Variants in IL1RAPL1 observed in about 807,000 individuals in gnomAD.
IL1RAPL1 encodes the protein interleukin-1 receptor accessory protein-like 1.
A neutral mutation model predicts 48.4 loss-of-function variants in IL1RAPL1; 3 were observed. The observed-to-expected ratio is 0.06, with a 90% CI of 0.03 to 0.16. The LOEUF (loss-of-function observed/expected upper bound fraction) is 0.16, where lower values mean the gene tolerates loss of function less well. Ranked by LOEUF, IL1RAPL1 falls within the 10% of genes least tolerant of loss-of-function variation. The probability of loss-of-function intolerance (pLI) is 1.00; values close to 1 mark genes in which losing one functional copy is unlikely to be tolerated. For synonymous variants in IL1RAPL1, 185 were observed against 187.7 expected, an observed-to-expected ratio of 0.99 and a Z score of 0.12; for missense variants, 349 against 530.6, an observed-to-expected ratio of 0.66 and a Z score of 3.36.
At chrX:29,076,553 A>G (rs184859916) in intron 2 of IL1RAPL1, among the ~76,000 whole-genome samples, 80 of 111,748 alleles carry the variant, frequency 7.2e-4, no homozygotes, top group South Asian at 2.7e-3. Context: ...ATCCCTTCTG[A>G]AATCTTTATT....
intron 2 of IL1RAPL1, among the ~76,000 whole-genome samples, chrX:29,081,802 G>A (rs1009667940): frequency 3.7e-5 from 4 of 109,295 alleles, no homozygotes; most frequent in African/African-American, 6.7e-5. Context: ...CATCTGCCTG[G>A]AAATATTTTC....
intron 5 of IL1RAPL1, among the ~76,000 whole-genome samples, chrX:29,532,402 A>C (rs1921073029): frequency 8.9e-6 from 1 of 111,814 alleles, no homozygotes; most frequent in Non-Finnish European, 1.9e-5. Flanking sequence ...TCTGATTCTT[A>C]CTCTCATTAG....
chrX:28,803,586 A>G (rs1448641301), intron 2 of IL1RAPL1, among the ~76,000 whole-genome samples: 7 of 112,266 alleles, frequency 6.2e-5, no homozygotes, highest in Admixed American at 5.7e-4. Flanking sequence ...CGAAAGGCAT[A>G]TAATACACCC....
intron 7 of IL1RAPL1, among the ~76,000 whole-genome samples, chrX:29,919,506 G>A (rs1181241454): frequency 4.5e-5 from 5 of 112,343 alleles, no homozygotes; most frequent in Non-Finnish European, 7.5e-5. Flanking sequence ...ACAAAAGTCA[G>A]ACTGAACATT....
chrX:28,711,537 A>G (rs948389475), intron 1 of IL1RAPL1, among the ~76,000 whole-genome samples: 2 of 109,930 alleles, frequency 1.8e-5, no homozygotes, highest in African/African-American at 6.6e-5. Context: ...GGATGAGGTC[A>G]TTAAGGGATT....
At chrX:28,960,052 A>T (rs1398896782) in intron 2 of IL1RAPL1, among the ~76,000 whole-genome samples, 1 of 112,241 alleles carries the variant, frequency 8.9e-6, no homozygotes, top group South Asian at 3.7e-4. Context: ...TGCATATTGG[A>T]TAAAGTCACT....
chrX:28,805,760 G>T (rs1292160208), intron 2 of IL1RAPL1, among the ~76,000 whole-genome samples: 1 of 110,379 alleles, frequency 9.1e-6, no homozygotes, highest in East Asian at 2.8e-4. Flanking sequence ...ATATATGATC[G>T]CTGCATTTTA....
chrX:29,621,525 A>C (rs1167145946), intron 5 of IL1RAPL1, among the ~76,000 whole-genome samples: 1 of 111,156 alleles, frequency 9.0e-6, no homozygotes, highest in Non-Finnish European at 1.9e-5. Flanking sequence ...TTGAAAATTA[A>C]ATTAATTACC....
chrX:29,743,573 G>T (rs1192352605), intron 6 of IL1RAPL1, among the ~76,000 whole-genome samples: 2 of 111,545 alleles, frequency 1.8e-5, no homozygotes, highest in South Asian at 3.7e-4. Context: ...GCAACCTCCA[G>T]TTCTCTAGTT....
At chrX:29,343,653 A>T (rs932306074) in intron 3 of IL1RAPL1, among the ~76,000 whole-genome samples, 1 of 111,961 alleles carries the variant, frequency 8.9e-6, no homozygotes, top group Admixed American at 9.6e-5. Context: ...AAACAATATG[A>T]TCAATTTCAG....
At chrX:28,679,192 T>C (rs911571542) in intron 1 of IL1RAPL1, among the ~76,000 whole-genome samples, 13 of 112,332 alleles carry the variant, frequency 1.2e-4, no homozygotes, top group African/African-American at 4.2e-4. Context: ...TAATTAGCGA[T>C]GTTGAGCAAC....
rs1410055104 is a variant in IL1RAPL1, at chrX:29,524,883, C to T, written c.703+125575C>T. ...ACATTTTCTAAGATGACTATCATTG[C>T]CATTGTAGTCAGCTTTGTGTACCTT... On this transcript the variant is annotated intron_variant, in intron 5 of 10. Coordinates refer to ENST00000378993, the MANE Select transcript of IL1RAPL1 (RefSeq NM_014271.4). 1.3e-4 allele frequency among the ~76,000 whole-genome samples: 15 copies of T among 111,930 alleles called. No homozygotes were observed. The Admixed American group carries it at 1.4e-3, about 11-fold the overall frequency.
chrX:28,660,706 A>C (rs146191487), intron 1 of IL1RAPL1, among the ~76,000 whole-genome samples: 310 of 111,702 alleles, frequency 2.8e-3, no homozygotes, highest in African/African-American at 9.4e-3. Flanking sequence ...ATGATGAGTG[A>C]TCCTAACTAT....
At chrX:28,739,415 A>G (rs544651737) in intron 1 of IL1RAPL1, among the ~76,000 whole-genome samples, 2 of 111,949 alleles carry the variant, frequency 1.8e-5, no homozygotes, top group African/African-American at 6.5e-5. Flanking sequence ...TGTACCAACA[A>G]TAAAAGCTAA....
chrX:28,756,017 A>G (rs1339241900), intron 1 of IL1RAPL1, among the ~76,000 whole-genome samples: 2 of 111,461 alleles, frequency 1.8e-5, no homozygotes, highest in East Asian at 5.6e-4. Context: ...GCACAGAGCT[A>G]TTTTTTATAC....
At chrX:29,449,717 T>G (rs1343841054) in intron 5 of IL1RAPL1, among the ~76,000 whole-genome samples, 12 of 90,246 alleles carry the variant, frequency 1.3e-4, no homozygotes, top group Non-Finnish European at 1.7e-4. Flanking sequence ...TAAACAAGAG[T>G]AACTTATGCA....
intron 5 of IL1RAPL1, among the ~76,000 whole-genome samples, chrX:29,497,012 T>A (rs968190326): frequency 8.9e-6 from 1 of 112,918 alleles, no homozygotes; most frequent in African/African-American, 3.2e-5. Context: ...ATATTTGAGG[T>A]TTGCAATGCT....
intron 2 of IL1RAPL1, among the ~76,000 whole-genome samples, chrX:28,965,998 G>A (rs112663756): frequency 0.01 from 1,158 of 111,610 alleles, 16 homozygotes; most frequent in African/African-American, 0.036. Flanking sequence ...GGGTTAGATG[G>A]TGGGGCTGCA....
intron 2 of IL1RAPL1, among the ~76,000 whole-genome samples, chrX:29,099,137 A>C (rs1217165624): frequency 1.9e-5 from 2 of 106,308 alleles, no homozygotes; most frequent in Non-Finnish European, 3.8e-5. Flanking sequence ...GGGTGACAAG[A>C]GTGAAACTGC....
Sources: allele counts gnomAD v4.1 joint callset (sites outside exome capture counted in the v4.1 genomes callset), GRCh38; gene constraint gnomAD v4.1.1; transcripts MANE v1.5; gene names NCBI Gene and HGNC (gene_info 2026-07-23, HGNC 2026-07-21).